PKD2L2: variants seen among roughly 807,000 people sequenced by gnomAD.
PKD2L2 encodes the protein polycystin 2 like 2, transient receptor potential cation channel.
A neutral mutation model predicts 83.9 loss-of-function variants in PKD2L2; 67 were observed. The observed-to-expected ratio is 0.80, with a 90% CI of 0.66 to 0.98. PKD2L2 has a LOEUF of 0.98. Among genes scored for constraint, PKD2L2 ranks in the 50% least tolerant of loss-of-function variants. PKD2L2 has a pLI of 0.00. For missense variants in PKD2L2, 632 were observed against 717.2 expected, an observed-to-expected ratio of 0.88 and a Z score of 1.36; for synonymous variants, 223 against 237.8, an observed-to-expected ratio of 0.94 and a Z score of 0.57.
At chr5:137,921,946 T>C (rs916622462) in intron 9 of PKD2L2, among the ~76,000 whole-genome samples, 190 bp downstream of exon 9, 1 of 152,194 alleles carries the variant, frequency 6.6e-6, no homozygotes, top group Non-Finnish European at 1.5e-5. Context: ...GTAATCACAG[T>C]AGTTAATTTC....
chr5:137,918,583 G>A (rs1330633055), intron 8 of PKD2L2, among the ~76,000 whole-genome samples: 1 of 152,174 alleles, frequency 6.6e-6, no homozygotes, highest in Non-Finnish European at 1.5e-5. Context: ...CTACATGCAA[G>A]CTGCTTCACA....
chr5:137,919,605 AT>A (rs1299492310), intron 8 of PKD2L2, among the ~76,000 whole-genome samples: 3 of 151,808 alleles, frequency 2.0e-5, no homozygotes, highest in Non-Finnish European at 4.4e-5. Context: ...AAAATATTTG[AT>A]TTGTGGTGAG....
intron 13 of PKD2L2, 21 bp downstream of exon 13, chr5:137,935,930 G>C: frequency 8.0e-7 from 1 of 1,245,584 alleles, no homozygotes; most frequent in South Asian, 1.2e-5. Context: ...GTTCTAACCA[G>C]ACTATTATGG....
chr5:137,906,466 G>A, intron 6 of PKD2L2, 32 bp downstream of exon 6: 3 of 1,120,482 alleles, frequency 2.7e-6, no homozygotes, highest in Non-Finnish European at 2.7e-6. Flanking sequence ...TGGTTGAAGG[G>A]GATCACATCT....
intron 8 of PKD2L2, among the ~76,000 whole-genome samples, chr5:137,916,669 G>A (rs991107689): frequency 3.3e-5 from 5 of 151,594 alleles, no homozygotes; most frequent in Admixed American, 1.3e-4. Context: ...TAGTAGAGGC[G>A]GGGTTTTGCC....
chr5:137,904,793 C>G (rs1360755906), intron 5 of PKD2L2, among the ~76,000 whole-genome samples: 1 of 152,128 alleles, frequency 6.6e-6, no homozygotes, highest in Non-Finnish European at 1.5e-5. Flanking sequence ...AATCAGTGAG[C>G]CATTTTTCTC....
intron 8 of PKD2L2, among the ~76,000 whole-genome samples, chr5:137,914,447 G>A (rs1292885852): frequency 6.6e-6 from 1 of 152,116 alleles, no homozygotes; most frequent in African/African-American, 2.4e-5. Context: ...AAGCATATCA[G>A]ATAAGGTATC....
intron 12 of PKD2L2, among the ~76,000 whole-genome samples, chr5:137,934,780 T>C (rs556315575): frequency 6.6e-6 from 1 of 152,292 alleles, no homozygotes; most frequent in Non-Finnish European, 1.5e-5. Flanking sequence ...AATGCTAAGA[T>C]TGTGCCACTG....
chr5:137,901,411 G>GA (rs61675049), intron 5 of PKD2L2, among the ~76,000 whole-genome samples: 6 of 150,412 alleles, frequency 4.0e-5, no homozygotes, highest in African/African-American at 1.5e-4. Context: ...CCCTATTCTG[G>GA]AAAAAAAAAA....
chr5:137,900,457 C>T (rs1756860453), intron 5 of PKD2L2, among the ~76,000 whole-genome samples: 1 of 152,174 alleles, frequency 6.6e-6, no homozygotes, highest in South Asian at 2.1e-4. Context: ...AATATCATGA[C>T]ATTGAAAGAG....
intron 14 of PKD2L2, 192 bp from the exon 15 acceptor site, chr5:137,942,192 G>C (rs1054775370): frequency 3.1e-6 from 2 of 645,176 alleles, no homozygotes; most frequent in South Asian, 2.0e-5. Flanking sequence ...AATGAAATCA[G>C]AATAGCTGAA....
intron 12 of PKD2L2, among the ~76,000 whole-genome samples, chr5:137,933,819 T>C (rs1297388692): frequency 6.6e-6 from 1 of 152,168 alleles, no homozygotes; most frequent in African/African-American, 2.4e-5. Context: ...AATTTCCCCT[T>C]GGTAATTCGC....
chr5:137,940,588 T>C (rs1376136011), intron 14 of PKD2L2: 8 of 379,262 alleles, frequency 2.1e-5, no homozygotes, highest in Non-Finnish European at 3.7e-5. Flanking sequence ...ATAATCAACA[T>C]AGATAACTGG....
intron 14 of PKD2L2, chr5:137,942,179 A>T (rs1356416709): frequency 3.0e-6 from 2 of 666,908 alleles, no homozygotes; most frequent in African/African-American, 1.8e-5. Flanking sequence ...TCCACTGCAA[A>T]CCAATGAAAT....
chr5:137,922,590 T>A (rs1352291981), intron 9 of PKD2L2, among the ~76,000 whole-genome samples: 1 of 151,706 alleles, frequency 6.6e-6, no homozygotes, highest in Non-Finnish European at 1.5e-5. Flanking sequence ...ATACAAAAAT[T>A]AGCTAGGCGT....
chr5:137,938,095 A>G (rs1012550125), intron 14 of PKD2L2: 3 of 152,300 alleles, frequency 2.0e-5, no homozygotes, highest in Non-Finnish European at 4.4e-5. Context: ...GTACCAAAGT[A>G]AAACTATCAC....
At chr5:137,936,631 A>AT (rs1345912419) in intron 14 of PKD2L2, among the ~76,000 whole-genome samples, 1 of 152,000 alleles carries the variant, frequency 6.6e-6, no homozygotes, top group Non-Finnish European at 1.5e-5. Context: ...AATTTTTTGT[A>AT]TTTTTAGTAG....
chr5:137,899,840 G>A, intron 5 of PKD2L2, 103 bp downstream of exon 5: 1 of 555,436 alleles, frequency 1.8e-6, no homozygotes. Context: ...GAACTGCACA[G>A]GTCCACTTAG....
chr5:137,910,172 G>A (rs1357143355), intron 8 of PKD2L2, among the ~76,000 whole-genome samples: 1 of 151,238 alleles, frequency 6.6e-6, no homozygotes, highest in African/African-American at 2.4e-5. Flanking sequence ...GTTACAGTGA[G>A]CTATGATCAC....
Sources: allele counts gnomAD v4.1 joint callset (sites outside exome capture counted in the v4.1 genomes callset), GRCh38; gene constraint gnomAD v4.1.1; transcripts MANE v1.5; gene names NCBI Gene and HGNC (gene_info 2026-07-23, HGNC 2026-07-21).